Variants in HGSNAT observed in about 807,000 individuals in gnomAD.
HGSNAT encodes heparan-alpha-glucosaminide N-acetyltransferase.
A neutral mutation model predicts 85.2 loss-of-function variants in HGSNAT; 59 were observed. The observed-to-expected ratio is 0.69, with a 90% CI of 0.56 to 0.86. HGSNAT has a LOEUF of 0.86. HGSNAT is among the 40% of genes least tolerant of loss of function. The pLI, the probability that HGSNAT is intolerant of heterozygous loss-of-function variation, is 0.00. For synonymous variants in HGSNAT, 321 were observed against 304.5 expected, an observed-to-expected ratio of 1.05 and a Z score of -0.56; for missense variants, 756 against 777.1, an observed-to-expected ratio of 0.97 and a Z score of 0.32.
rs34270087 is a variant in HGSNAT, at chr8:43,168,384, C to CTTTTTTTT, written c.564-771_564-764dup. Among the ~76,000 whole-genome samples the CTTTTTTTT allele has an allele frequency of 1.2e-3, 84 of 70,250 alleles. 6 individuals carry two copies. The highest frequency in any genetic ancestry group is 1.3e-3 in the Non-Finnish European group (58 of 43,404). 46.1% of individuals were successfully genotyped at this position (70,250 alleles called of 152,430 possible). On this transcript the variant is annotated intron_variant, in intron 5 of 17. Transcript: ENST00000379644. ...TTGCTTTTTGTATTTAATAGTTGATCTTTTTTTTTTTTTTTTTTTTTTTTT... is the reference window on the plus strand; with the variant it reads ...TTGCTTTTTGTATTTAATAGTTGATCTTTTTTTTTTTTTTTTTTTTTTTTTTTTTTTTT...
At chr8:43,186,528 CTT>C (rs998350402) in intron 11 of HGSNAT, among the ~76,000 whole-genome samples, 1 of 151,864 alleles carries the variant, frequency 6.6e-6, no homozygotes, top group African/African-American at 2.4e-5. Flanking sequence ...ATTCTTCTCC[CTT>C]TTCTTCTTTA....
At chr8:43,193,493 G>A (rs763636990) in intron 13 of HGSNAT, among the ~76,000 whole-genome samples, 31 of 152,210 alleles carry the variant, frequency 2.0e-4, no homozygotes, top group Admixed American at 7.9e-4. Context: ...AGCGCTGTTT[G>A]CTGCCCCCGC....
At chr8:43,152,892 A>G (rs1007904454) in intron 2 of HGSNAT, among the ~76,000 whole-genome samples, 3 of 152,218 alleles carry the variant, frequency 2.0e-5, no homozygotes, top group Non-Finnish European at 4.4e-5. Flanking sequence ...TAATATGTAA[A>G]TAGAATTCAT....
intron 11 of HGSNAT, among the ~76,000 whole-genome samples, chr8:43,186,602 A>G (rs982600144): frequency 6.6e-6 from 1 of 152,096 alleles, no homozygotes; most frequent in South Asian, 2.1e-4. Context: ...TCCTGGATTC[A>G]TTGATTTTTT....
At chr8:43,173,514 TG>T (rs1803702624) in intron 8 of HGSNAT, among the ~76,000 whole-genome samples, 198 bp from the exon 9 acceptor site, 1 of 152,130 alleles carries the variant, frequency 6.6e-6, no homozygotes, top group Non-Finnish European at 1.5e-5. Flanking sequence ...TTGATCACGT[TG>T]GCCAGGCTAG....
At chr8:43,179,534 A>AC (rs1163557803) in intron 10 of HGSNAT, among the ~76,000 whole-genome samples, 23 of 35,658 alleles carry the variant, frequency 6.5e-4, no homozygotes, top group Admixed American at 5.0e-3. Flanking sequence ...CGGCTGGCCG[A>AC]CCCCCCCCAC....
chr8:43,168,384 CT>C (rs34270087), intron 5 of HGSNAT, among the ~76,000 whole-genome samples: 6 of 70,248 alleles, frequency 8.5e-5, no homozygotes, highest in Non-Finnish European at 1.4e-4. Flanking sequence ...AATAGTTGAT[CT>C]TTTTTTTTTT....
intron 1 of HGSNAT, among the ~76,000 whole-genome samples, chr8:43,141,192 G>A (rs1422068385): frequency 6.6e-6 from 1 of 152,176 alleles, no homozygotes; most frequent in African/African-American, 2.4e-5. Flanking sequence ...GTGAGGAACC[G>A]CGGAGAAGGC....
rs188925808 is a variant in HGSNAT at position 43,183,443 on chromosome 8, A to G, written c.1128+1183A>G. Among the ~76,000 whole-genome samples the G allele has an allele frequency of 4.4e-3, 661 of 150,186 alleles. 8 individuals carry two copies. Among genetic ancestry groups the G allele is most frequent in the African/African-American group, 0.015 (632 of 40,912 alleles). On this transcript the variant is annotated intron_variant, in intron 11 of 17. Transcript: ENST00000379644. ...CAGCCTCCCAAAATGCTAGGACTAC[A>G]GGTGTGAGTCACCATGCCTGGCCTC...
chr8:43,193,947 T>C, intron 14 of HGSNAT, 104 bp downstream of exon 14: 3 of 1,535,408 alleles, frequency 2.0e-6, no homozygotes, highest in Non-Finnish European at 2.6e-6. Context: ...TATTCTCTCT[T>C]GTGCTATGGG....
At position 43,197,876 on chromosome 8, in the gene HGSNAT, C is replaced by G. The variant is rs1586758179; in HGVS notation, c.1650C>G (p.Ala550=). 6.2e-7 allele frequency: 1 copy of G among 1,613,886 alleles called. No individual in the cohort carries two copies. Among genetic ancestry groups the G allele is most frequent in the African/African-American group, 1.3e-5 (1 of 74,934 alleles). ...LSYVTTLSSF[A]FFILLVLYPV... ...ATGTCACTACGCTCAGTTCTTTTGC[C>G]TTCTTCATCCTGCTGGTCCTGTACC... The change falls in exon 17 of 18, where the codon GCC becomes GCG. Residue 550 remains alanine, a synonymous_variant. Coordinates refer to ENST00000379644, the MANE Select transcript of HGSNAT (RefSeq NM_152419.3).
intron 11 of HGSNAT, among the ~76,000 whole-genome samples, chr8:43,187,508 C>T (rs185628229): frequency 1.4e-3 from 215 of 152,282 alleles, no homozygotes; most frequent in African/African-American, 4.8e-3. Flanking sequence ...GATCTTCCTC[C>T]ATCCCTTTAT....
chr8:43,158,691 G>A lies in HGSNAT; in HGVS notation c.351G>A (p.Leu117=). The A allele has an allele frequency of 6.2e-7, 1 of 1,605,946 alleles. No homozygotes were observed. The highest frequency in any genetic ancestry group is 8.5e-7 in the Non-Finnish European group (1 of 1,175,752). Residue 117 remains leucine, a synonymous_variant, in exon 3 of 18, where the codon TTG becomes TTA. Coordinates refer to ENST00000379644, the MANE Select transcript of HGSNAT (RefSeq NM_152419.3). The part of the protein sequence containing the change: ...HGSILQLNDT[L]EEKEVCRLEY... ...CTATCCTGCAGCTGAACGACACCTT[G>A]GAAGAGAAAGAAGTTTGTAGGTTTG...
chr8:43,140,749 C>G (rs1415021829), intron 1 of HGSNAT, 135 bp downstream of exon 1: 2 of 296,472 alleles, frequency 6.7e-6, no homozygotes, highest in South Asian at 2.5e-4. Context: ...TGGGCTGTTG[C>G]TGCGACTTCG....
At chr8:43,189,013 A>C (rs1383921527) in intron 11 of HGSNAT, among the ~76,000 whole-genome samples, 1 of 152,084 alleles carries the variant, frequency 6.6e-6, no homozygotes, top group Non-Finnish European at 1.5e-5. Context: ...TCAGAGGGGC[A>C]CCCAGCTGTA....
At chr8:43,146,076 G>A (rs1043242208) in intron 1 of HGSNAT, among the ~76,000 whole-genome samples, 13 of 152,052 alleles carry the variant, frequency 8.5e-5, no homozygotes, top group Non-Finnish European at 1.8e-4. Flanking sequence ...TAGAATGTGC[G>A]TCATCTTTCT....
intron 5 of HGSNAT, among the ~76,000 whole-genome samples, chr8:43,168,260 C>T (rs1168688730): frequency 6.6e-6 from 1 of 152,014 alleles, no homozygotes; most frequent in Non-Finnish European, 1.5e-5. Flanking sequence ...AAAAAGAACC[C>T]AGTACATTAA....
intron 13 of HGSNAT, 83 bp from the exon 14 acceptor site, chr8:43,193,674 C>A: frequency 1.2e-6 from 1 of 852,918 alleles, no homozygotes; most frequent in Non-Finnish European, 2.0e-6. Flanking sequence ...GGAGTGTATT[C>A]AGGTTTGTAT....
intron 11 of HGSNAT, 139 bp from the exon 12 acceptor site, chr8:43,191,335 C>A: frequency 1.1e-6 from 1 of 947,034 alleles, no homozygotes; most frequent in Non-Finnish European, 1.6e-6. Context: ...TCTGGAGAAC[C>A]TAACGTAGTC....
Sources: allele counts gnomAD v4.1 joint callset (sites outside exome capture counted in the v4.1 genomes callset), GRCh38; gene constraint gnomAD v4.1.1; transcripts MANE v1.5; gene names NCBI Gene and HGNC (gene_info 2026-07-23, HGNC 2026-07-21).